Variants in TRHDE observed in about 807,000 individuals in gnomAD.
The protein encoded by TRHDE is thyrotropin releasing hormone degrading enzyme.
In TRHDE, 72 loss-of-function variants were observed where a neutral mutation model predicts 125.7. That is an observed-to-expected ratio of 0.57 (90% CI 0.47 to 0.70). The LOEUF (loss-of-function observed/expected upper bound fraction) is 0.70. TRHDE is among the 30% of genes least tolerant of loss of function. The pLI, the probability that TRHDE is intolerant of heterozygous loss-of-function variation, is 0.00. For synonymous variants in TRHDE, 509 were observed against 509.1 expected, an observed-to-expected ratio of 1.00 and a Z score of 0.00; for missense variants, 1,110 against 1,327.1, an observed-to-expected ratio of 0.84 and a Z score of 2.54.
chr12:72,587,472 T>C (rs1237018333), intron 12 of TRHDE, among the ~76,000 whole-genome samples: 1 of 152,046 alleles, frequency 6.6e-6, no homozygotes, highest in African/African-American at 2.4e-5. Flanking sequence ...GATAGATAGA[T>C]GATAGGCAGA....
At chr12:72,638,463 G>C (rs1256778073) in intron 15 of TRHDE, among the ~76,000 whole-genome samples, 26 of 150,904 alleles carry the variant, frequency 1.7e-4, no homozygotes, top group Non-Finnish European at 2.7e-4. Context: ...TATCCAATTT[G>C]CCAGTCTGTG....
At chr12:72,513,023 T>C (rs1425899535) in intron 6 of TRHDE, among the ~76,000 whole-genome samples, 1 of 152,140 alleles carries the variant, frequency 6.6e-6, no homozygotes, top group African/African-American at 2.4e-5. Flanking sequence ...CACACACCAA[T>C]TGTTAATCAA....
chr12:72,372,927 A>G (rs986769404), intron 2 of TRHDE, among the ~76,000 whole-genome samples: 32 of 152,202 alleles, frequency 2.1e-4, no homozygotes, highest in Non-Finnish European at 3.8e-4. Context: ...TTCTGTGAAG[A>G]AAGTCATTGG....
At chr12:72,335,985 T>G (rs931452816) in intron 2 of TRHDE, among the ~76,000 whole-genome samples, 1 of 152,186 alleles carries the variant, frequency 6.6e-6, no homozygotes, top group Non-Finnish European at 1.5e-5. Context: ...AAATTTAAGA[T>G]GATTTTTGTT....
At chr12:72,228,994 C>T (rs150189190) in intron 2 of TRHDE, among the ~76,000 whole-genome samples, 1 of 152,324 alleles carries the variant, frequency 6.6e-6, no homozygotes, top group East Asian at 1.9e-4. Flanking sequence ...TTCAACAAGT[C>T]TCTAGGGAGT....
chr12:72,111,146 G>A (rs892415473), intron 2 of TRHDE, among the ~76,000 whole-genome samples: 31 of 152,112 alleles, frequency 2.0e-4, no homozygotes, highest in African/African-American at 7.2e-4. Context: ...GAGAAAAAAT[G>A]TTTTCTGGCT....
chr12:72,580,959 GAAAACATC>G (rs1871197748), intron 12 of TRHDE, among the ~76,000 whole-genome samples: 1 of 152,050 alleles, frequency 6.6e-6, no homozygotes, highest in Non-Finnish European at 1.5e-5. Flanking sequence ...GAAGATTATG[GAAAACATC>G]AAAATATCCT....
chr12:72,630,338 C>A (rs1222898318), intron 15 of TRHDE, among the ~76,000 whole-genome samples: 1 of 151,440 alleles, frequency 6.6e-6, no homozygotes, highest in Non-Finnish European at 1.5e-5. Flanking sequence ...GAGAGAGATA[C>A]CGGGAGTAAG....
intron 12 of TRHDE, among the ~76,000 whole-genome samples, chr12:72,581,769 A>C (rs1029323386): frequency 6.6e-6 from 1 of 152,186 alleles, no homozygotes; most frequent in African/African-American, 2.4e-5. Context: ...ATTAAAAAGC[A>C]TAAGGACCTG....
intron 5 of TRHDE, among the ~76,000 whole-genome samples, chr12:72,490,424 G>A (rs907420880): frequency 6.6e-6 from 1 of 151,628 alleles, no homozygotes; most frequent in Non-Finnish European, 1.5e-5. Context: ...TTTCTTAAAC[G>A]ATTAAAAATA....
rs1043304309 is a variant in TRHDE, at chr12:72,187,235, G to A, written n.279+81483G>A. Among the ~76,000 whole-genome samples the A allele has an allele frequency of 4.7e-5, 7 of 147,640 alleles. No individual in the cohort carries two copies. The East Asian group carries it at 6.1e-4, about 13-fold the overall frequency. ...AGTAGATATTGTTACCTTATTTTACGGATAATAAAAGCTCAGCAAGCTGAA... is the reference window on the plus strand; with the variant it reads ...AGTAGATATTGTTACCTTATTTTACAGATAATAAAAGCTCAGCAAGCTGAA... On this transcript the variant is annotated intron_variant and non_coding_transcript_variant, in intron 2 of 4. Transcript: ENST00000548156.
intron 15 of TRHDE, among the ~76,000 whole-genome samples, chr12:72,646,269 G>T (rs1874276268): frequency 1.3e-5 from 2 of 151,922 alleles, no homozygotes; most frequent in South Asian, 4.1e-4. Context: ...AGCTTAAGTT[G>T]TTATCAGCTT....
intron 6 of TRHDE, among the ~76,000 whole-genome samples, chr12:72,518,856 C>G (rs992300895): frequency 2.0e-5 from 3 of 152,238 alleles, no homozygotes; most frequent in South Asian, 4.1e-4. Flanking sequence ...GACAGAATCT[C>G]TCAGCATTTG....
At chr12:72,270,370 T>C (rs1317807793), upstream of TRHDE, among the ~76,000 whole-genome samples, 4 of 152,240 alleles carry the variant, frequency 2.6e-5, no homozygotes, top group African/African-American at 7.2e-5. Flanking sequence ...GCATTGAGCA[T>C]GTATCCCATC....
chr12:72,103,710 A>C (rs1875119527), intron 1 of TRHDE, among the ~76,000 whole-genome samples: 1 of 152,204 alleles, frequency 6.6e-6, no homozygotes, highest in South Asian at 2.1e-4. Flanking sequence ...TTGCCGTGAA[A>C]GCAGACAGTG....
chr12:72,475,987 G>A (rs983342209), intron 5 of TRHDE, among the ~76,000 whole-genome samples: 1 of 152,076 alleles, frequency 6.6e-6, no homozygotes, highest in Non-Finnish European at 1.5e-5. Flanking sequence ...CACGATCTTG[G>A]CTCACTGCAA....
intron 12 of TRHDE, among the ~76,000 whole-genome samples, chr12:72,583,058 A>G (rs2136038549): frequency 6.6e-6 from 1 of 152,338 alleles, no homozygotes. Context: ...CATGGAGAGA[A>G]GGATGACTCT....
chr12:72,164,947 G>C (rs1876712741), intron 2 of TRHDE, among the ~76,000 whole-genome samples: 1 of 152,092 alleles, frequency 6.6e-6, no homozygotes. Flanking sequence ...TCATTCTAAG[G>C]GTATGCTTAC....
intron 1 of TRHDE, among the ~76,000 whole-genome samples, chr12:72,101,565 A>G (rs549267224): frequency 6.6e-6 from 1 of 152,324 alleles, no homozygotes; most frequent in South Asian, 2.1e-4. Context: ...GCTTTGTGCT[A>G]TGAATGCTGT....
Sources: allele counts gnomAD v4.1 joint callset (sites outside exome capture counted in the v4.1 genomes callset), GRCh38; gene constraint gnomAD v4.1.1; transcripts MANE v1.5; gene names NCBI Gene and HGNC (gene_info 2026-07-23, HGNC 2026-07-21).